PROSER2: variants seen among roughly 807,000 people sequenced by gnomAD.
PROSER2 encodes the protein proline and serine rich 2.
A neutral mutation model predicts 14.6 loss-of-function variants in PROSER2; 18 were observed. That is an observed-to-expected ratio of 1.23 (90% confidence interval 0.85 to 1.83). PROSER2 has a LOEUF of 1.83. Ranked by LOEUF, PROSER2 falls within the 40% of genes most tolerant of loss-of-function variation. The probability of loss-of-function intolerance (pLI) is 0.00; values close to 1 mark genes in which losing one functional copy is unlikely to be tolerated. For missense variants in PROSER2, 823 were observed against 629.8 expected (o/e 1.31, Z -3.28); for synonymous variants, 367 against 286.4 (o/e 1.28, Z -2.84).
rs1459858261 is a variant in PROSER2 at position 11,872,063 on chromosome 10, C to T, written c.*1657C>T. 6.6e-6 allele frequency: 1 copy of T among 152,160 alleles called. No individual in the cohort carries two copies. Among genetic ancestry groups the T allele is most frequent in the African/African-American group, 2.4e-5 (1 of 41,438 alleles). 9.4% of individuals were successfully genotyped at this position (152,160 alleles called of 1,614,324 possible). A position where few individuals can be genotyped will look rare whatever the true frequency, so the allele number is the denominator to read the frequency against. ...GATTGGTTTAAAGGATTTATAAGGG[C>T]TGTGTTTGCTCTTTACAAGGCAAGA... On this transcript the variant is annotated 3_prime_UTR_variant, in exon 4 of 4. Coordinates refer to ENST00000277570, the MANE Select transcript of PROSER2 (RefSeq NM_153256.4).
At chr10:11,855,056 C>T (rs1390322355) in intron 2 of PROSER2, among the ~76,000 whole-genome samples, 1 of 151,774 alleles carries the variant, frequency 6.6e-6, no homozygotes, top group Non-Finnish European at 1.5e-5. Flanking sequence ...GTAAATGCAC[C>T]TCTTAGAAGG....
At position 11,852,057 on chromosome 10, in the gene PROSER2, G is replaced by A. The variant is rs370615818; in HGVS notation, c.-21G>A. On this transcript the variant is annotated 5_prime_UTR_variant, in exon 2 of 4. Coordinates refer to ENST00000277570, the MANE Select transcript of PROSER2 (RefSeq NM_153256.4). ...CTGCCCTGCTTCCTGTGATCGAGCC[G>A]GCCCTGAGGACTCTGTGGAGATGCC... The A allele has an allele frequency of 2.0e-5, 31 of 1,586,694 alleles. No individual in the cohort carries two copies. The highest frequency in any genetic ancestry group is 1.7e-4 in the Middle Eastern group (1 of 5,736).
chr10:11,854,637 A>G (rs1834088578), intron 2 of PROSER2, among the ~76,000 whole-genome samples: 1 of 146,586 alleles, frequency 6.8e-6, no homozygotes, highest in Non-Finnish European at 1.5e-5. Context: ...TTTTTTTTGC[A>G]ACCTCTGCCT....
rs1471029913 is a variant in PROSER2, at chr10:11,836,006, C to G, written c.-82+12536C>G. On this transcript the variant is annotated intron_variant, in intron 1 of 3. Coordinates refer to ENST00000277570, the MANE Select transcript of PROSER2 (RefSeq NM_153256.4). The surrounding 1 kb of genome is among the most constrained non-coding windows in gnomAD (Gnocchi z 4.6). ...TGAAAAGGGCTTGGCTGTTAAGTCA[C>G]CATATAGGGATTTTGGGGGGATGTG... Among the ~76,000 whole-genome samples the G allele has an allele frequency of 1.3e-5, 2 of 151,916 alleles. No individual in the cohort carries two copies. Among genetic ancestry groups the G allele is most frequent in the Non-Finnish European group, 2.9e-5 (2 of 67,974 alleles).
intron 1 of PROSER2, chr10:11,849,612 T>C (rs1367618224): frequency 7.9e-5 from 12 of 152,280 alleles, no homozygotes; most frequent in Middle Eastern, 3.1e-3. Context: ...GATGACTGAT[T>C]GGCTGAAACT....
chr10:11,833,794 G>T (rs1046770213), intron 1 of PROSER2, among the ~76,000 whole-genome samples: 13 of 152,166 alleles, frequency 8.5e-5, no homozygotes, highest in African/African-American at 2.6e-4. Context: ...ATCCAAGTGG[G>T]AAAAATGGCA....
intron 1 of PROSER2, among the ~76,000 whole-genome samples, chr10:11,826,618 G>C (rs1320705744): frequency 3.9e-5 from 6 of 152,092 alleles, no homozygotes; most frequent in Non-Finnish European, 7.4e-5. Context: ...CTCTCTGTCA[G>C]CCAGGCTGGA....
At chr10:11,847,441 G>A (rs768630016) in intron 1 of PROSER2, among the ~76,000 whole-genome samples, 24 of 152,064 alleles carry the variant, frequency 1.6e-4, no homozygotes, top group East Asian at 1.9e-4. Flanking sequence ...GTTTTGAGAC[G>A]GAGTCTCGCT....
In PROSER2 at chr10:11,836,358, G is replaced by A. The variant is rs142790998; in HGVS notation, c.-82+12888G>A. Among the ~76,000 whole-genome samples, 1,278 of 152,036 alleles carry A rather than the reference G, an allele frequency of 8.4e-3. 20 individuals are homozygous for A. The highest frequency in any genetic ancestry group is 0.029 in the African/African-American group (1,202 of 41,464). ...ATTACGGGCGCATACCACCACACCC[G>A]GCTAATTTTTGCATTTTTGGTAGAG... On this transcript the variant is annotated intron_variant, in intron 1 of 3. Transcript: ENST00000277570. This position sits in a 1 kb window ranked among gnomAD's most constrained non-coding sequence, Gnocchi z 4.6.
At chr10:11,840,569 T>C (rs1227693583) in intron 1 of PROSER2, among the ~76,000 whole-genome samples, 1 of 152,120 alleles carries the variant, frequency 6.6e-6, no homozygotes, top group Non-Finnish European at 1.5e-5. Context: ...AATGACTGGC[T>C]TGTCATTTTT....
intron 3 of PROSER2, among the ~76,000 whole-genome samples, chr10:11,868,721 G>A (rs1327419468): frequency 6.6e-6 from 1 of 152,180 alleles, no homozygotes; most frequent in African/African-American, 2.4e-5. Context: ...TGCCATCTCA[G>A]CTCACTGCAA....
At chr10:11,867,402 C>A (rs72775910) in intron 3 of PROSER2, among the ~76,000 whole-genome samples, 1 of 151,758 alleles carries the variant, frequency 6.6e-6, no homozygotes, top group Non-Finnish European at 1.5e-5. Context: ...ACAGGCTGGG[C>A]GCCATGGATC....
chr10:11,869,914 C>T lies in PROSER2; in HGVS notation c.816C>T (p.Ser272=). Residue 272 remains serine (S), a synonymous_variant, in exon 4 of 4, where the codon TCC becomes TCT. Transcript: ENST00000277570. The surrounding 1 kb of genome is among the most constrained non-coding windows in gnomAD (Gnocchi z 4.4). ...CCCGGGAGCCCCGCAGGACCCTGTC[C>T]AGGGCGGCCGTCAGCGTGCAGGAGC... ...GAAREPRRTL[S]RAAVSVQERR... 6.3e-7 allele frequency: 1 copy of T among 1,575,336 alleles called. No homozygotes were observed. The highest frequency in any genetic ancestry group is 8.6e-7 in the Non-Finnish European group (1 of 1,164,350).
intron 2 of PROSER2, among the ~76,000 whole-genome samples, chr10:11,853,185 C>A (rs2131072924): frequency 6.6e-6 from 1 of 152,318 alleles, no homozygotes; most frequent in South Asian, 2.1e-4. Context: ...CTCAGTTACG[C>A]TGAAGCTAGA....
chr10:11,847,668 C>G (rs900824665), intron 1 of PROSER2, among the ~76,000 whole-genome samples: 1 of 149,046 alleles, frequency 6.7e-6, no homozygotes, highest in African/African-American at 2.4e-5. Flanking sequence ...ATCCACCCAC[C>G]TCGGCCTCCC....
chr10:11,852,393 A>T (rs1317833817), intron 2 of PROSER2, among the ~76,000 whole-genome samples, 178 bp downstream of exon 2: 1 of 152,190 alleles, frequency 6.6e-6, no homozygotes, highest in African/African-American at 2.4e-5. Flanking sequence ...TTGCACAAAT[A>T]CAGAGCATTA....
chr10:11,826,617 A>G (rs1052510050), intron 1 of PROSER2, among the ~76,000 whole-genome samples: 6 of 152,134 alleles, frequency 3.9e-5, no homozygotes, highest in Non-Finnish European at 7.4e-5. Context: ...TCTCTCTGTC[A>G]GCCAGGCTGG....
chr10:11,852,067 ACT>A lies in PROSER2; in HGVS notation c.-8_-7del. On this transcript the variant is annotated 5_prime_UTR_variant, in exon 2 of 4. Coordinates refer to ENST00000277570, the MANE Select transcript of PROSER2 (RefSeq NM_153256.4). Reference sequence around the variant, plus strand: ...TCCTGTGATCGAGCCGGCCCTGAGGACTCTGTGGAGATGCCTGTAACCCACCG... The same window carrying A: ...TCCTGTGATCGAGCCGGCCCTGAGGACTGTGGAGATGCCTGTAACCCACCG... 1.2e-6 allele frequency: 2 copies of A among 1,603,420 alleles called. No homozygotes were observed. Among genetic ancestry groups the A allele is most frequent in the African/African-American group, 2.7e-5 (2 of 74,608 alleles).
At position 11,870,062 on chromosome 10, in the gene PROSER2, CT is replaced by C; in HGVS notation, c.965del (p.Leu322ArgfsTer31). 5 of 1,248,220 alleles carry C rather than the reference CT, an allele frequency of 4.0e-6. No homozygotes were observed. The highest frequency in any genetic ancestry group is 5.0e-6 in the Non-Finnish European group (5 of 996,564). 77.3% of individuals were successfully genotyped at this position (1,248,220 alleles called of 1,614,324 possible). On this transcript the variant is annotated frameshift_variant, in exon 4 of 4. Transcript: ENST00000277570. LOFTEE classifies it low-confidence loss of function (END_TRUNC). Reference sequence around the variant, plus strand: ...GGAGCGGGTGGCGCGTGGCCGGGGCCTGCCGGGCCCCGCTGAGAGTCTCCGG... The same window carrying C: ...GGAGCGGGTGGCGCGTGGCCGGGGCCGCCGGGCCCCGCTGAGAGTCTCCGG... Reference protein sequence around the residue: ...SPERVARGRGLPGPAESLRAG... With the variant: ...SPERVARGRGXPGPAESLRAG...
Sources: allele counts gnomAD v4.1 joint callset (sites outside exome capture counted in the v4.1 genomes callset), GRCh38; gene constraint gnomAD v4.1.1; non-coding constraint Gnocchi (gnomAD v3.1); transcripts MANE v1.5; gene names NCBI Gene and HGNC (gene_info 2026-07-23, HGNC 2026-07-21).